Variants in IRF6 observed in about 807,000 individuals in gnomAD.
The protein encoded by IRF6 is interferon regulatory factor 6.
Under a neutral mutation model 51.4 loss-of-function variants are expected in IRF6, and 6 were observed. That is an observed-to-expected ratio of 0.12 (90% confidence interval 0.06 to 0.23). IRF6 has a LOEUF of 0.23. IRF6 is among the 10% of genes least tolerant of loss of function. The probability of loss-of-function intolerance (pLI) is 1.00; values close to 1 mark genes in which losing one functional copy is unlikely to be tolerated. For missense variants in IRF6, 348 were observed against 585.2 expected, an observed-to-expected ratio of 0.59 and a Z score of 4.18; for synonymous variants, 178 against 215.7, an observed-to-expected ratio of 0.83 and a Z score of 1.53.
In IRF6 at chr1:209,786,497, TAC is replaced by T. The variant is rs1328031371; in HGVS notation, c.*1921_*1922del. ...TCAAGAGCTGCCCTTCTAATTTACC[TAC>T]AGTGGGTTTTTAACTTTGAGTTCCC... On this transcript the variant is annotated 3_prime_UTR_variant, in exon 9 of 9. Transcript: ENST00000367021. 1 of 152,158 alleles carries T rather than the reference TAC, an allele frequency of 6.6e-6. No homozygotes were observed. Among genetic ancestry groups the T allele is most frequent in the East Asian group, 1.9e-4 (1 of 5,182 alleles). The allele number at this position is 152,158 out of a possible 1,614,324, so 9.4% of individuals were successfully genotyped here.
At chr1:209,800,475 T>C (rs946812884) in intron 3 of IRF6, among the ~76,000 whole-genome samples, 3 of 152,184 alleles carry the variant, frequency 2.0e-5, no homozygotes, top group Admixed American at 2.0e-4. Context: ...AAGAAAAGCT[T>C]GCCAGGTGCA....
Position 209,785,634 on chromosome 1 carries a change from T to A in IRF6, c.*2786A>T, listed in dbSNP as rs1373666025. The A allele has an allele frequency of 2.0e-5, 3 of 152,092 alleles. No homozygotes were observed. Among genetic ancestry groups the A allele is most frequent in the Non-Finnish European group, 4.4e-5 (3 of 68,006 alleles). 9.4% of individuals were successfully genotyped at this position (152,092 alleles called of 1,614,324 possible). ...TCTTCTAATTTTAGAACGTTTTCCTTCCCCGCATTTATTTAATTTTCCCAT... is the reference window on the plus strand; with the variant it reads ...TCTTCTAATTTTAGAACGTTTTCCTACCCCGCATTTATTTAATTTTCCCAT... On this transcript the variant is annotated 3_prime_UTR_variant, in exon 9 of 9. Transcript: ENST00000367021.
chr1:209,791,211 T>C (rs538086599), intron 6 of IRF6, among the ~76,000 whole-genome samples: 7 of 152,238 alleles, frequency 4.6e-5, no homozygotes, highest in Admixed American at 2.6e-4. Context: ...CCAATGGTCA[T>C]TGGAAGGAGC....
In IRF6 at chr1:209,796,220, GA is replaced by G; in HGVS notation, c.379+127del. The G allele has an allele frequency of 1.3e-6, 1 of 781,850 alleles. No individual in the cohort carries two copies. Among genetic ancestry groups the G allele is most frequent in the African/African-American group, 1.7e-5 (1 of 57,518 alleles). The allele number at this position is 781,850 out of a possible 1,614,324, so 48.4% of individuals were successfully genotyped here. A position where few individuals can be genotyped will look rare whatever the true frequency, so the allele number is the denominator to read the frequency against. On this transcript the variant is annotated intron_variant, in intron 4 of 8. Coordinates refer to ENST00000367021, the MANE Select transcript of IRF6 (RefSeq NM_006147.4). This position sits in a 1 kb window ranked among gnomAD's most constrained non-coding sequence, Gnocchi z 4.5. ...TTTTGTTTTCTGGGTCCTTCCCAGA[GA>G]AAGGCTTTCTTGCTTTATCCATCTT...
rs373381488 is a variant in IRF6, at chr1:209,795,422, C to T, written c.380-4G>A. The T allele has an allele frequency of 1.1e-4, 185 of 1,613,844 alleles. 3 individuals are homozygous for T. In the Middle Eastern group the frequency reaches 1.7e-3, roughly 15 times the overall value. ...CAGGGAGCAGACCCTGTGGATCCTA[C>T]CCAAGATACACAAGCTCGCAGGTGA... is the stretch of plus-strand genomic sequence containing the variant. On this transcript the variant is annotated splice_region_variant and splice_polypyrimidine_tract_variant and intron_variant, in intron 4 of 8. Transcript: ENST00000367021.
In IRF6 at chr1:209,795,273, C is replaced by A; in HGVS notation, c.508+17G>T. On this transcript the variant is annotated intron_variant, in intron 5 of 8. Transcript: ENST00000367021. ...CATCCTCCATATGTCTCTGTACCACCCATCATCCCCACTCACCATTGATGT... is the reference window on the plus strand; with the variant it reads ...CATCCTCCATATGTCTCTGTACCACACATCATCCCCACTCACCATTGATGT... 6.2e-7 allele frequency: 1 copy of A among 1,613,992 alleles called. No homozygotes were observed. The highest frequency in any genetic ancestry group is 8.5e-7 in the Non-Finnish European group (1 of 1,179,944).
At chr1:209,792,573 A>G (rs2077875967) in intron 5 of IRF6, 146 bp from the exon 6 acceptor site, 1 of 767,490 alleles carries the variant, frequency 1.3e-6, no homozygotes, top group East Asian at 2.7e-5. Flanking sequence ...AGTGATTCCC[A>G]TAACTAACGC....
At chr1:209,792,536 T>C in intron 5 of IRF6, 109 bp from the exon 6 acceptor site, 2 of 1,120,152 alleles carry the variant, frequency 1.8e-6, no homozygotes, top group Admixed American at 2.0e-5. Context: ...CACTGAACCC[T>C]GACCCAGTGT....
chr1:209,788,459 G>GGTGGGCTGC lies in IRF6; in HGVS notation c.1356_1364dup (p.Gln453_Thr455dup). 1.2e-6 allele frequency: 2 copies of GGTGGGCTGC among 1,613,940 alleles called. No homozygotes were observed. Among genetic ancestry groups the GGTGGGCTGC allele is most frequent in the Non-Finnish European group, 1.7e-6 (2 of 1,179,940 alleles). ...GGGCAGGGGGCAGTTGCATGCTGGG[G>GGTGGGCTGC]GTGGGCTGCATGGGCTGCCAGCTCT... is the stretch of plus-strand genomic sequence containing the variant. On this transcript the variant is annotated inframe_insertion, in exon 9 of 9. Transcript: ENST00000367021.
chr1:209,790,464 C>A lies in IRF6; in HGVS notation c.1060+31G>T. The A allele has an allele frequency of 6.2e-7, 1 of 1,610,142 alleles. No individual in the cohort carries two copies. The highest frequency in any genetic ancestry group is 8.5e-7 in the Non-Finnish European group (1 of 1,177,628). ...AGGAATGTACTTCCAGAGAGTGATT[C>A]CCACGATCAACTTTCTGAGAAATGA... On this transcript the variant is annotated intron_variant, in intron 7 of 8. Transcript: ENST00000367021. The surrounding 1 kb of genome is among the most constrained non-coding windows in gnomAD (Gnocchi z 4.8).
At position 209,789,803 on chromosome 1, in the gene IRF6, G is replaced by A. The variant is rs762324606; in HGVS notation, c.1061-18C>T. 1.3e-6 allele frequency: 2 copies of A among 1,565,366 alleles called. No homozygotes were observed. Among genetic ancestry groups the A allele is most frequent in the South Asian group, 2.2e-5 (2 of 90,164 alleles). ...AATGAGATCTGCAGAAAGTGGAAGA[G>A]CAAGTTTGGTATACTGGGTCATTCC... On this transcript the variant is annotated intron_variant, in intron 7 of 8. Transcript: ENST00000367021.
At position 209,788,647 on chromosome 1, in the gene IRF6, G is replaced by A. The variant is rs748670868; in HGVS notation, c.1180-3C>T. The A allele has an allele frequency of 6.2e-7, 1 of 1,610,304 alleles. No homozygotes were observed. Among genetic ancestry groups the A allele is most frequent in the Non-Finnish European group, 8.5e-7 (1 of 1,176,624 alleles). ...ATCCGAGCCACTACTGGAATGACCT[G>A]TTCAGGACACAGAACACAGGTGTAT... is the stretch of plus-strand genomic sequence containing the variant. On this transcript the variant is annotated splice_polypyrimidine_tract_variant and splice_region_variant and intron_variant, in intron 8 of 8. Coordinates refer to ENST00000367021, the MANE Select transcript of IRF6 (RefSeq NM_006147.4).
At chr1:209,803,752 G>T (rs957739072) in intron 1 of IRF6, among the ~76,000 whole-genome samples, 9 of 152,160 alleles carry the variant, frequency 5.9e-5, no homozygotes, top group African/African-American at 2.2e-4. Flanking sequence ...AACCCAAATG[G>T]CCAAGACAGA....
chr1:209,801,489 C>G lies in IRF6; in HGVS notation c.-3-73G>C, dbSNP rs115444937. 3,052 of 1,193,762 alleles carry G rather than the reference C, an allele frequency of 2.6e-3. 45 individuals are homozygous for G. The African/African-American group carries it at 0.039, about 15-fold the overall frequency. 73.9% of individuals were successfully genotyped at this position (1,193,762 alleles called of 1,614,324 possible). On this transcript the variant is annotated intron_variant, in intron 2 of 8. Coordinates refer to ENST00000367021, the MANE Select transcript of IRF6 (RefSeq NM_006147.4). ...GCCACTGGGAACCCTTCCCAGCCAC[C>G]TTTCCCATCTACTAGAGCTACAGTT... is the stretch of plus-strand genomic sequence containing the variant.
Position 209,789,117 on chromosome 1 carries a change from C to G in IRF6, c.1180-473G>C, listed in dbSNP as rs528260190. Among the ~76,000 whole-genome samples the G allele has an allele frequency of 2.0e-5, 3 of 152,198 alleles. No homozygotes were observed. In the East Asian group the frequency reaches 5.8e-4, roughly 29 times the overall value. On this transcript the variant is annotated intron_variant, in intron 8 of 8. Transcript: ENST00000367021. Reference sequence around the variant, plus strand: ...GAGACAGGAGGATCACTTAAGCCCACGAGTTCCAGACCAGCATGAGCAACA... The same window carrying G: ...GAGACAGGAGGATCACTTAAGCCCAGGAGTTCCAGACCAGCATGAGCAACA...
chr1:209,789,186 T>C (rs1309647714), intron 8 of IRF6, among the ~76,000 whole-genome samples: 1 of 152,112 alleles, frequency 6.6e-6, no homozygotes, highest in Non-Finnish European at 1.5e-5. Flanking sequence ...AGGCCAGGCA[T>C]GGTAGCCTGT....
chr1:209,791,474 C>T (rs192986153), intron 6 of IRF6, among the ~76,000 whole-genome samples: 23 of 152,332 alleles, frequency 1.5e-4, no homozygotes, highest in Non-Finnish European at 2.8e-4. Flanking sequence ...ATTAATAGCA[C>T]TCACATGCCT....
rs2077841992 is a variant in IRF6, at chr1:209,787,520, C to G, written c.*900G>C. On this transcript the variant is annotated 3_prime_UTR_variant, in exon 9 of 9. Transcript: ENST00000367021. Reference sequence around the variant, plus strand: ...AGAAGTACATCTTAGATCCCCAGCTCAGTCTAGCTCAGAGAAGAAAACAAG... The same window carrying G: ...AGAAGTACATCTTAGATCCCCAGCTGAGTCTAGCTCAGAGAAGAAAACAAG... The G allele has an allele frequency of 6.6e-6, 1 of 152,226 alleles. No homozygotes were observed. Among genetic ancestry groups the G allele is most frequent in the African/African-American group, 2.4e-5 (1 of 41,438 alleles). 9.4% of individuals were successfully genotyped at this position (152,226 alleles called of 1,614,324 possible). A position where few individuals can be genotyped will look rare whatever the true frequency, so the allele number is the denominator to read the frequency against.
Position 209,792,313 on chromosome 1 carries a change from T to G in IRF6, c.623A>C (p.Gln208Pro). 1.2e-6 allele frequency: 2 copies of G among 1,614,212 alleles called. No homozygotes were observed. Among genetic ancestry groups the G allele is most frequent in the Non-Finnish European group, 1.7e-6 (2 of 1,180,008 alleles). Residue 208 changes from glutamine to proline, a missense_variant, in exon 6 of 9, where the codon CAG becomes CCG. Gln to Pro is a moderately conservative substitution (Grantham distance 76). This residue lies in a region of IRF6 where 124 missense variants were observed against 141.6 expected (regional missense o/e 0.88). Coordinates refer to ENST00000367021, the MANE Select transcript of IRF6 (RefSeq NM_006147.4). ...LEMEVPQAPIQPFYSSPELWI... is the reference protein window; with the variant it reads ...LEMEVPQAPIPPFYSSPELWI... ...CAGTTCTGGAGAGCTATAGAAGGGC[T>G]GTATAGGTGCCTGGGGTACTTCCAT...
Sources: gnomAD v4.1 joint callset for allele counts (sites outside exome capture counted in the v4.1 genomes callset) on GRCh38, gnomAD v4.1.1 for gene constraint, gnomAD v4.1.1 regional missense constraint, Gnocchi (gnomAD v3.1) non-coding constraint, MANE v1.5 for transcripts, NCBI Gene and HGNC (gene_info 2026-07-23, HGNC 2026-07-21) for gene names.